The following CNTN6 variants were observed in gnomAD, a reference collection of about 807,000 sequenced individuals.
CNTN6 encodes contactin 6.
Under a neutral mutation model 122.8 loss-of-function variants are expected in CNTN6, and 137 were observed. The ratio of observed to expected loss-of-function variants is 1.12; its 90% CI spans 0.97 to 1.29. CNTN6 has a LOEUF of 1.29. CNTN6 is among the 50% of genes most tolerant of loss of function. The pLI, the probability that CNTN6 is intolerant of heterozygous loss-of-function variation, is 0.00. For missense variants in CNTN6, 1,634 were observed against 1,223.4 expected, an observed-to-expected ratio of 1.34 and a Z score of -5.01; for synonymous variants, 570 against 426.0, an observed-to-expected ratio of 1.34 and a Z score of -4.16.
At chr3:1,099,313 T>C (rs1438515436) in intron 1 of CNTN6, among the ~76,000 whole-genome samples, 103 of 151,338 alleles carry the variant, frequency 6.8e-4, no homozygotes, top group East Asian at 1.6e-3. Context: ...TAGCAGGGTG[T>C]GGTGGCGGGC....
intron 1 of CNTN6, among the ~76,000 whole-genome samples, chr3:1,099,550 TATTTA>T (rs2090767025): frequency 1.3e-5 from 2 of 152,214 alleles, no homozygotes; most frequent in African/African-American, 2.4e-5. Flanking sequence ...TATTGAGGGA[TATTTA>T]ATTTATTGAA....
At chr3:1,401,622 C>T in intron 21 of CNTN6, 77 bp downstream of exon 21, 1 of 893,132 alleles carries the variant, frequency 1.1e-6, no homozygotes. Flanking sequence ...AAATGGAAAA[C>T]AAATTGGATG....
intron 4 of CNTN6, among the ~76,000 whole-genome samples, 180 bp from the exon 5 acceptor site, chr3:1,278,233 A>T (rs1046409460): frequency 2.0e-5 from 3 of 152,256 alleles, no homozygotes; most frequent in African/African-American, 7.2e-5. Flanking sequence ...AGAAAGAAAG[A>T]AACACAAGAT....
chr3:1,220,777 A>G lies in CNTN6; in HGVS notation c.146A>G (p.Asn49Ser). The G allele has an allele frequency of 6.2e-7, 1 of 1,612,760 alleles. No individual in the cohort carries two copies. Among genetic ancestry groups the G allele is most frequent in the Non-Finnish European group, 8.5e-7 (1 of 1,179,288 alleles). ...LDLSKSEVIL[N>S]CAANGYPSPH... ...TTATCAAAATCTGAGGTCATCCTGA[A>G]TTGTGCTGCTAATGGTTACCCTTCG... is the stretch of plus-strand genomic sequence containing the variant. Residue 49 changes from asparagine to serine, a missense_variant, in exon 3 of 23, where the codon AAT becomes AGT. Asn to Ser is a conservative substitution (Grantham distance 46). Transcript: ENST00000446702.
chr3:1,258,580 G>A (rs563967477), intron 4 of CNTN6, among the ~76,000 whole-genome samples: 11 of 152,246 alleles, frequency 7.2e-5, no homozygotes, highest in African/African-American at 1.7e-4. Context: ...ATAAAAAAGC[G>A]TGGGGTGAAG....
intron 20 of CNTN6, among the ~76,000 whole-genome samples, chr3:1,393,547 TAAA>T (rs1432950410): frequency 5.0e-5 from 5 of 100,954 alleles, no homozygotes; most frequent in Non-Finnish European, 8.2e-5. Flanking sequence ...CCCTAAAACT[TAAA>T]GAAGTAAAAA....
intron 4 of CNTN6, among the ~76,000 whole-genome samples, chr3:1,245,276 CACACACATATATATATAACAT>C (rs2094558363): frequency 7.1e-4 from 5 of 7,086 alleles, no homozygotes; most frequent in African/African-American, 1.1e-3. Context: ...TATATATATA[CACACACATATATATATAACAT>C]ATATATATAT....
At chr3:1,401,567 T>C (rs753891256) in intron 21 of CNTN6, 22 bp downstream of exon 21, 1 of 1,515,136 alleles carries the variant, frequency 6.6e-7, no homozygotes. Flanking sequence ...GTTTTTCCTT[T>C]AATCATATCA....
intron 11 of CNTN6, among the ~76,000 whole-genome samples, chr3:1,348,419 G>A (rs1226346168): frequency 2.0e-5 from 3 of 151,906 alleles, no homozygotes; most frequent in African/African-American, 7.2e-5. Flanking sequence ...CAGGGGAACG[G>A]ATATTAAGCC....
At chr3:1,256,423 C>G (rs3864027) in intron 4 of CNTN6, among the ~76,000 whole-genome samples, 34,241 of 151,766 alleles carry the variant, frequency 0.23, 4,442 homozygotes, top group East Asian at 0.4. Context: ...TATCAAATAT[C>G]GCCAAATGGA....
intron 20 of CNTN6, among the ~76,000 whole-genome samples, chr3:1,398,630 A>G (rs1240472890): frequency 6.6e-6 from 1 of 152,148 alleles, no homozygotes; most frequent in Non-Finnish European, 1.5e-5. Context: ...TAACAGTTAC[A>G]GGGCTTTTTA....
intron 20 of CNTN6, among the ~76,000 whole-genome samples, chr3:1,394,601 A>C (rs191834083): frequency 1.3e-5 from 2 of 152,282 alleles, no homozygotes; most frequent in African/African-American, 4.8e-5. Flanking sequence ...TATATATCAG[A>C]ACATCTCAGT....
intron 2 of CNTN6, among the ~76,000 whole-genome samples, chr3:1,169,793 A>G (rs938163638): frequency 6.6e-6 from 1 of 152,192 alleles, no homozygotes; most frequent in Admixed American, 6.5e-5. Context: ...ATTTTATTTG[A>G]TAAACTTTGG....
chr3:1,357,551 T>C (rs146212343), intron 12 of CNTN6, among the ~76,000 whole-genome samples: 1 of 152,064 alleles, frequency 6.6e-6, no homozygotes, highest in African/African-American at 2.4e-5. Context: ...GAGGAATAGG[T>C]TGCTAAAACC....
intron 1 of CNTN6, among the ~76,000 whole-genome samples, chr3:1,098,094 CG>C (rs36051719): frequency 1.7e-4 from 21 of 122,492 alleles, no homozygotes; most frequent in Admixed American, 6.4e-4. Flanking sequence ...GGTATATTTG[CG>C]GGGGGGGGAG....
intron 4 of CNTN6, among the ~76,000 whole-genome samples, chr3:1,274,655 G>A (rs542064286): frequency 2.4e-4 from 37 of 152,190 alleles, no homozygotes; most frequent in East Asian, 9.7e-4. Context: ...GATAAACTGC[G>A]GATGTTTCAA....
intron 1 of CNTN6, among the ~76,000 whole-genome samples, chr3:1,143,416 T>G (rs1045607582): frequency 1.4e-4 from 21 of 152,166 alleles, no homozygotes; most frequent in Non-Finnish European, 5.9e-5. Context: ...AGACTCTTTT[T>G]AGGTTCTAGA....
chr3:1,338,552 G>C (rs1213904210), intron 11 of CNTN6, among the ~76,000 whole-genome samples: 1 of 152,056 alleles, frequency 6.6e-6, no homozygotes, highest in Non-Finnish European at 1.5e-5. Context: ...TATCCTAGCA[G>C]TTCAGCCATT....
At chr3:1,245,225 T>TATATAAC (rs2094549037) in intron 4 of CNTN6, among the ~76,000 whole-genome samples, 1 of 17,256 alleles carries the variant, frequency 5.8e-5, no homozygotes, top group African/African-American at 2.9e-4. Flanking sequence ...TATATATATA[T>TATATAAC]ATATATATAT....
Sources: gnomAD v4.1 joint callset for allele counts (sites outside exome capture counted in the v4.1 genomes callset) on GRCh38, gnomAD v4.1.1 for gene constraint, MANE v1.5 for transcripts, NCBI Gene and HGNC (gene_info 2026-07-23, HGNC 2026-07-21) for gene names.